Variants in C22orf23 observed in about 807,000 individuals in gnomAD.
C22orf23 encodes the protein UPF0193 protein EVG1.
C22orf23 carries 30 observed loss-of-function variants against 29.7 expected under a neutral mutation model. That is an observed-to-expected ratio of 1.01 (90% CI 0.76 to 1.37). C22orf23 has a LOEUF of 1.37. C22orf23 is among the 40% of genes most tolerant of loss of function. The pLI, the probability that C22orf23 is intolerant of heterozygous loss-of-function variation, is 0.00. For synonymous variants in C22orf23, 90 were observed against 96.1 expected, an observed-to-expected ratio of 0.94 and a Z score of 0.37; for missense variants, 237 against 273.1, an observed-to-expected ratio of 0.87 and a Z score of 0.93.
At chr22:37,946,615 T>C (rs1930718285) in intron 4 of C22orf23, among the ~76,000 whole-genome samples, 1 of 149,870 alleles carries the variant, frequency 6.7e-6, no homozygotes. Flanking sequence ...AGCGGTCGTT[T>C]GTGCCTGTAA....
intron 3 of C22orf23, among the ~76,000 whole-genome samples, chr22:37,947,742 T>G (rs1036868887): frequency 2.6e-5 from 4 of 151,108 alleles, no homozygotes; most frequent in Admixed American, 1.3e-4. Context: ...TGACCTCAAG[T>G]GATCCACCCA....
Position 37,953,503 on chromosome 22 carries a change from G to A in C22orf23, c.-65C>T, listed in dbSNP as rs1931202777. On this transcript the variant is annotated 5_prime_UTR_variant, in exon 1 of 7. Coordinates refer to ENST00000403305, the MANE Select transcript of C22orf23 (RefSeq NM_032561.5). ...CACATAGAAGTGGGCTCCCGGAGGC[G>A]GTGACCACTGCTTTACAGCCGCATC... 1 of 546,822 alleles carries A rather than the reference G, an allele frequency of 1.8e-6. No individual in the cohort carries two copies. The highest frequency in any genetic ancestry group is 2.4e-5 in the South Asian group (1 of 41,410). 33.9% of individuals were successfully genotyped at this position (546,822 alleles called of 1,614,324 possible). A position where few individuals can be genotyped will look rare whatever the true frequency, so the allele number is the denominator to read the frequency against.
rs967680793 is a variant in C22orf23 at position 37,944,118 on chromosome 22, A to C, written c.*57T>G. 6 of 1,516,240 alleles carry C rather than the reference A, an allele frequency of 4.0e-6. No individual in the cohort carries two copies. The Admixed American group carries it at 8.3e-5, about 21-fold the overall frequency. 93.9% of individuals were successfully genotyped at this position (1,516,240 alleles called of 1,614,324 possible). On this transcript the variant is annotated 3_prime_UTR_variant, in exon 7 of 7. Coordinates refer to ENST00000403305, the MANE Select transcript of C22orf23 (RefSeq NM_032561.5). ...TGGCCTGAGGATGGCCCTGCCTGGC[A>C]GAGGAGTGGACTCCAGTGGTCGAGC...
chr22:37,947,171 TG>T, intron 4 of C22orf23, 109 bp downstream of exon 4: 1 of 1,141,984 alleles, frequency 8.8e-7, no homozygotes. Context: ...ACAAAGTGCA[TG>T]GGGATTTGAT....
chr22:37,953,417 A>G (rs1244858381), intron 1 of C22orf23, 31 bp downstream of exon 1: 1 of 545,144 alleles, frequency 1.8e-6, no homozygotes, highest in Admixed American at 3.5e-5. Context: ...AACAGTACCC[A>G]CTGAGTGATA....
In C22orf23 at chr22:37,943,695, G is replaced by T. The variant is rs1454869139; in HGVS notation, c.*480C>A. 1 of 175,420 alleles carries T rather than the reference G, an allele frequency of 5.7e-6. No homozygotes were observed. The highest frequency in any genetic ancestry group is 1.2e-5 in the Non-Finnish European group (1 of 81,452). 10.9% of individuals were successfully genotyped at this position (175,420 alleles called of 1,614,324 possible). A position where few individuals can be genotyped will look rare whatever the true frequency, so the allele number is the denominator to read the frequency against. Reference sequence around the variant, plus strand: ...AAAGTCTAATGCCTTGAACAAATAAGCTTATCCCTCTGAAAACAAAATGGT... The same window carrying T: ...AAAGTCTAATGCCTTGAACAAATAATCTTATCCCTCTGAAAACAAAATGGT... On this transcript the variant is annotated 3_prime_UTR_variant, in exon 7 of 7. Coordinates refer to ENST00000403305, the MANE Select transcript of C22orf23 (RefSeq NM_032561.5).
intron 3 of C22orf23, among the ~76,000 whole-genome samples, chr22:37,948,419 C>T (rs1930827399): frequency 6.6e-6 from 1 of 151,858 alleles, no homozygotes; most frequent in Non-Finnish European, 1.5e-5. Flanking sequence ...CACTGCATTC[C>T]AGCCTGGGTG....
At chr22:37,944,296 G>A (rs1228262356) in intron 6 of C22orf23, 50 bp from the exon 7 acceptor site, 8 of 1,613,842 alleles carry the variant, frequency 5.0e-6, no homozygotes, top group African/African-American at 1.3e-5. Context: ...GGAACCTGAG[G>A]AGCTGTCACA....
At chr22:37,950,689 G>A (rs959693862) in intron 3 of C22orf23, among the ~76,000 whole-genome samples, 28 of 152,012 alleles carry the variant, frequency 1.8e-4, no homozygotes, top group Non-Finnish European at 3.7e-4. Flanking sequence ...GGCAGATCAC[G>A]AGGTCAGGAG....
chr22:37,949,041 C>A (rs971496043), intron 3 of C22orf23, among the ~76,000 whole-genome samples: 8 of 152,014 alleles, frequency 5.3e-5, no homozygotes, highest in African/African-American at 1.9e-4. Context: ...CATTCTTGTA[C>A]ATCAAATCTT....
At chr22:37,952,993 C>T (rs905187816) in intron 2 of C22orf23, 54 bp downstream of exon 2, 39 of 1,370,322 alleles carry the variant, frequency 2.8e-5, no homozygotes, top group Non-Finnish European at 3.8e-5. Context: ...TTGTCTTCCA[C>T]GAAACCGGTC....
chr22:37,944,280 G>A (rs940238011), intron 6 of C22orf23, 34 bp from the exon 7 acceptor site: 2 of 1,614,142 alleles, frequency 1.2e-6, no homozygotes, highest in South Asian at 1.1e-5. Context: ...AGGTGTATCA[G>A]GGCTAGGAAC....
chr22:37,947,555 GGCTGGAGT>G (rs1930779113), intron 3 of C22orf23, 92 bp from the exon 4 acceptor site: 1 of 1,143,270 alleles, frequency 8.7e-7, no homozygotes, highest in Non-Finnish European at 1.2e-6. Flanking sequence ...CTGTCACTCA[GGCTGGAGT>G]GCAGCGGCGC....
intron 3 of C22orf23, 89 bp downstream of exon 3, chr22:37,951,371 T>G: frequency 2.8e-5 from 33 of 1,173,176 alleles, no homozygotes; most frequent in Non-Finnish European, 3.9e-5. Flanking sequence ...TTTTTTTATA[T>G]GAGGTCCTCT....
intron 3 of C22orf23, among the ~76,000 whole-genome samples, chr22:37,949,156 T>G (rs1434902137): frequency 6.6e-6 from 1 of 152,162 alleles, no homozygotes; most frequent in Non-Finnish European, 1.5e-5. Context: ...TCCCTCCTGC[T>G]GTCCATCCCC....
rs374147061 is a variant in C22orf23, at chr22:37,944,549, T to G, written c.482-32A>C. 95 of 1,584,156 alleles carry G rather than the reference T, an allele frequency of 6.0e-5. No individual in the cohort carries two copies. The African/African-American group carries it at 1.1e-3, about 19-fold the overall frequency. ...AGAGGAGAGGGCTGTCAGGTTCCCATGAGGGATGCAGGCAGCGGGTTGCCT... is the reference window on the plus strand; with the variant it reads ...AGAGGAGAGGGCTGTCAGGTTCCCAGGAGGGATGCAGGCAGCGGGTTGCCT... On this transcript the variant is annotated intron_variant, in intron 5 of 6. Coordinates refer to ENST00000403305, the MANE Select transcript of C22orf23 (RefSeq NM_032561.5).
rs1160375533 is a variant in C22orf23 at position 37,951,528 on chromosome 22, C to T, written c.104-6G>A. ...TTTGGATTCCTTCATCATCACTGCA[C>T]GACAAAGCATTCTATGAGGCCTCTT... On this transcript the variant is annotated splice_region_variant and splice_polypyrimidine_tract_variant and intron_variant, in intron 2 of 6. Transcript: ENST00000403305. The T allele has an allele frequency of 1.9e-5, 30 of 1,613,658 alleles. No homozygotes were observed. Among genetic ancestry groups the T allele is most frequent in the African/African-American group, 2.7e-5 (2 of 74,876 alleles).
chr22:37,951,565 G>A (rs1472723195), intron 2 of C22orf23, 43 bp from the exon 3 acceptor site: 20 of 1,568,082 alleles, frequency 1.3e-5, no homozygotes, highest in East Asian at 9.0e-5. Flanking sequence ...GGCTGCAGGC[G>A]GATGCCTTCA....
rs912838846 is a variant in C22orf23, at chr22:37,953,499, A to C, written c.-61T>G. On this transcript the variant is annotated 5_prime_UTR_variant, in exon 1 of 7. Coordinates refer to ENST00000403305, the MANE Select transcript of C22orf23 (RefSeq NM_032561.5). ...TCTCCACATAGAAGTGGGCTCCCGG[A>C]GGCGGTGACCACTGCTTTACAGCCG... The C allele has an allele frequency of 6.1e-5, 33 of 545,204 alleles. No homozygotes were observed. The highest frequency in any genetic ancestry group is 2.5e-4 in the Admixed American group (7 of 28,356). 33.8% of individuals were successfully genotyped at this position (545,204 alleles called of 1,614,324 possible).
Sources: allele counts gnomAD v4.1 joint callset (sites outside exome capture counted in the v4.1 genomes callset), GRCh38; gene constraint gnomAD v4.1.1; transcripts MANE v1.5; gene names NCBI Gene and HGNC (gene_info 2026-07-23, HGNC 2026-07-21).